Variants in KIF16B observed in about 807,000 individuals in gnomAD.
KIF16B encodes kinesin-like protein KIF16B.
KIF16B carries 98 observed loss-of-function variants against 156.3 expected under a neutral mutation model. The observed-to-expected ratio is 0.63, with a 90% CI of 0.53 to 0.74. KIF16B has a LOEUF of 0.74. Among genes scored for constraint, KIF16B ranks in the 30% least tolerant of loss-of-function variants. The pLI is 0.00. For synonymous variants in KIF16B, 564 were observed against 583.7 expected (o/e 0.97, Z 0.49); for missense variants, 1,421 against 1,606.5 (o/e 0.88, Z 1.97).
intron 12 of KIF16B, among the ~76,000 whole-genome samples, chr20:16,463,567 C>T (rs1010146774): frequency 1.2e-4 from 18 of 152,196 alleles, no homozygotes; most frequent in Middle Eastern, 6.8e-3. Context: ...CACACACACA[C>T]GATAAAAATG....
intron 1 of KIF16B, among the ~76,000 whole-genome samples, chr20:16,557,002 C>T (rs1197649955): frequency 5.9e-5 from 9 of 151,840 alleles, no homozygotes; most frequent in Non-Finnish European, 1.0e-4. Context: ...TGTGACTAAT[C>T]CAAATTGAGC....
chr20:16,286,876 G>T (rs1370253911), intron 25 of KIF16B, among the ~76,000 whole-genome samples: 2 of 152,200 alleles, frequency 1.3e-5, no homozygotes, highest in African/African-American at 4.8e-5. Flanking sequence ...TTTGTGACTT[G>T]TTTTAGCCAA....
intron 12 of KIF16B, among the ~76,000 whole-genome samples, chr20:16,489,364 AAGG>A (rs771851426): frequency 6.6e-6 from 1 of 152,090 alleles, no homozygotes; most frequent in Non-Finnish European, 1.5e-5. Flanking sequence ...AGAACAGGAG[AAGG>A]AGAAGAACAG....
intron 25 of KIF16B, among the ~76,000 whole-genome samples, chr20:16,297,877 A>C (rs962628714): frequency 2.6e-5 from 4 of 152,072 alleles, no homozygotes; most frequent in African/African-American, 4.8e-5. Flanking sequence ...TTAGGCCACA[A>C]TCATGTCTCC....
chr20:16,451,217 T>C (rs2067071803), intron 12 of KIF16B, among the ~76,000 whole-genome samples: 1 of 152,162 alleles, frequency 6.6e-6, no homozygotes, highest in Admixed American at 6.5e-5. Context: ...AACATTTCTA[T>C]AATTGTAACT....
At chr20:16,358,894 A>G (rs1464732464) in intron 22 of KIF16B, among the ~76,000 whole-genome samples, 1 of 152,208 alleles carries the variant, frequency 6.6e-6, no homozygotes, top group Non-Finnish European at 1.5e-5. Context: ...ATATAATGAA[A>G]CATTGCTATT....
At chr20:16,456,257 T>A (rs1447214803) in intron 12 of KIF16B, among the ~76,000 whole-genome samples, 1 of 152,186 alleles carries the variant, frequency 6.6e-6, no homozygotes, top group Non-Finnish European at 1.5e-5. Flanking sequence ...CTTGGCAGAT[T>A]CCCATTTCCT....
chr20:16,289,092 A>G (rs2063275172), intron 25 of KIF16B, among the ~76,000 whole-genome samples: 1 of 152,190 alleles, frequency 6.6e-6, no homozygotes, highest in South Asian at 2.1e-4. Flanking sequence ...AAATGTGCTC[A>G]GAACACTTAC....
In KIF16B at chr20:16,476,195, A is replaced by G. The variant is rs995014035; in HGVS notation, c.1302+18096T>C. Among the ~76,000 whole-genome samples the G allele has an allele frequency of 8.5e-5, 13 of 152,322 alleles. No individual in the cohort carries two copies. The East Asian group carries it at 2.5e-3, about 29-fold the overall frequency. On this transcript the variant is annotated intron_variant, in intron 12 of 25. Coordinates refer to ENST00000354981, the MANE Select transcript of KIF16B (RefSeq NM_024704.5). ...ACTAAAACGCAGTCTGTAGAACAAC[A>G]TTTATTCCCATTACTATTGTATTTA...
At chr20:16,289,694 A>G (rs926704240) in intron 25 of KIF16B, among the ~76,000 whole-genome samples, 1 of 151,828 alleles carries the variant, frequency 6.6e-6, no homozygotes, top group African/African-American at 2.4e-5. Context: ...ACAAAAAATT[A>G]GCCGGGCGCA....
chr20:16,333,197 C>T (rs1215221660), intron 24 of KIF16B, among the ~76,000 whole-genome samples: 1 of 152,102 alleles, frequency 6.6e-6, no homozygotes, highest in Non-Finnish European at 1.5e-5. Flanking sequence ...TGCACTTGCT[C>T]TTCCCGTGAG....
rs1035764841 is a variant in KIF16B, at chr20:16,445,420, G to A, written c.1303-15438C>T. Among the ~76,000 whole-genome samples the A allele has an allele frequency of 5.2e-3, 147 of 28,074 alleles. 1 individual carries two copies. Among genetic ancestry groups the A allele is most frequent in the Admixed American group, 0.014 (32 of 2,214 alleles). 18.4% of individuals were successfully genotyped at this position (28,074 alleles called of 152,430 possible). ...CATTTGTATTCAGACATGTATATAC[G>A]TGTGTGTGTGTGTGTGTGTGTGTGT... On this transcript the variant is annotated intron_variant, in intron 12 of 25. Coordinates refer to ENST00000354981, the MANE Select transcript of KIF16B (RefSeq NM_024704.5).
chr20:16,531,335 C>T (rs1259204329), intron 1 of KIF16B, among the ~76,000 whole-genome samples: 1 of 152,172 alleles, frequency 6.6e-6, no homozygotes, highest in Non-Finnish European at 1.5e-5. Context: ...AACCAAACAA[C>T]TGTGAAAGAA....
At chr20:16,359,068 T>C (rs530387290) in intron 22 of KIF16B, among the ~76,000 whole-genome samples, 1 of 152,346 alleles carries the variant, frequency 6.6e-6, no homozygotes, top group East Asian at 1.9e-4. Context: ...ATTCTAAAGG[T>C]AGATTTGGGA....
intron 22 of KIF16B, chr20:16,367,851 A>C (rs375393593): frequency 1.3e-6 from 2 of 1,595,276 alleles, no homozygotes; most frequent in Non-Finnish European, 8.5e-7. Context: ...ATTTGTTGTA[A>C]CTGAATACAG....
chr20:16,554,194 G>A (rs933877905), intron 1 of KIF16B, among the ~76,000 whole-genome samples: 5 of 152,062 alleles, frequency 3.3e-5, no homozygotes, highest in Non-Finnish European at 2.9e-5. Context: ...AGAGTGGAGT[G>A]GGAACTTGTG....
At chr20:16,371,262 A>G (rs968586762) in intron 21 of KIF16B, among the ~76,000 whole-genome samples, 3 of 152,154 alleles carry the variant, frequency 2.0e-5, no homozygotes, top group African/African-American at 7.2e-5. Context: ...CCCCACCACT[A>G]CCACCAAAAA....
intron 12 of KIF16B, among the ~76,000 whole-genome samples, chr20:16,459,509 T>C (rs2067291613): frequency 6.6e-6 from 1 of 152,178 alleles, no homozygotes; most frequent in Non-Finnish European, 1.5e-5. Flanking sequence ...TCCCTGGGTC[T>C]CTGAGTCATC....
chr20:16,305,289 T>TA (rs370494658), intron 25 of KIF16B, among the ~76,000 whole-genome samples: 65 of 149,944 alleles, frequency 4.3e-4, no homozygotes, highest in African/African-American at 1.4e-3. Context: ...AAACTAAAAA[T>TA]AAAAAAAAAG....
Sources: gnomAD v4.1 joint callset for allele counts (sites outside exome capture counted in the v4.1 genomes callset) on GRCh38, gnomAD v4.1.1 for gene constraint, MANE v1.5 for transcripts, NCBI Gene and HGNC (gene_info 2026-07-23, HGNC 2026-07-21) for gene names.